SIRPA: variants seen among roughly 807,000 people sequenced by gnomAD.
SIRPA encodes the protein signal regulatory protein alpha.
A neutral mutation model predicts 50.3 loss-of-function variants in SIRPA; 9 were observed. That is an observed-to-expected ratio of 0.18 (90% CI 0.11 to 0.31). The LOEUF is 0.31. SIRPA is among the 10% of genes least tolerant of loss of function. The pLI is 1.00. For missense variants in SIRPA, 474 were observed against 661.6 expected (o/e 0.72, Z 3.11); for synonymous variants, 265 against 284.1 (o/e 0.93, Z 0.68).
chr20:1,903,363 G>A (rs1984354460), intron 1 of SIRPA, among the ~76,000 whole-genome samples: 1 of 152,198 alleles, frequency 6.6e-6, no homozygotes. Context: ...TGAAGAAACT[G>A]AGACTCAGAA....
intron 2 of SIRPA, among the ~76,000 whole-genome samples, chr20:1,920,883 A>G (rs914871812): frequency 1.3e-5 from 2 of 152,184 alleles, no homozygotes; most frequent in African/African-American, 2.4e-5. Context: ...GAAAGGAGAA[A>G]TGCTGCTGTT....
At chr20:1,913,131 A>G (rs904846233) in intron 1 of SIRPA, among the ~76,000 whole-genome samples, 1 of 152,246 alleles carries the variant, frequency 6.6e-6, no homozygotes, top group South Asian at 2.1e-4. Context: ...TAATAAAAGC[A>G]GTTGAGGTCT....
Position 1,924,829 on chromosome 20 carries a change from G to T in SIRPA, c.1153G>T (p.Ala385Ser). Residue 385 changes from alanine to serine, a missense_variant, in exon 5 of 8, where the codon GCC becomes TCC. Physicochemically the swap from Ala to Ser is moderately conservative, Grantham distance 99. Around this residue, in one of 4 missense-constraint regions of SIRPA, gnomAD observed 180 missense variants for 206.7 expected, o/e 0.87. Coordinates refer to ENST00000358771, the MANE Select transcript of SIRPA (RefSeq NM_001040023.2). This position sits in a 1 kb window ranked among gnomAD's most constrained non-coding sequence, Gnocchi z 4.5. ...GGGTGTGGTGTGCACCTTGCTGGTGGCCCTACTGATGGCGGCCCTCTACCT... is the reference window on the plus strand; with the variant it reads ...GGGTGTGGTGTGCACCTTGCTGGTGTCCCTACTGATGGCGGCCCTCTACCT... ...VVGVVCTLLV[A>S]LLMAALYLVR... The T allele has an allele frequency of 6.2e-7, 1 of 1,614,206 alleles. No individual in the cohort carries two copies. Among genetic ancestry groups the T allele is most frequent in the Non-Finnish European group, 8.5e-7 (1 of 1,180,044 alleles).
At chr20:1,899,544 C>G (rs1428186627) in intron 1 of SIRPA, among the ~76,000 whole-genome samples, 5 of 152,222 alleles carry the variant, frequency 3.3e-5, no homozygotes, top group Non-Finnish European at 7.3e-5. Context: ...ATGCCCTCAG[C>G]TGAACTCTCA....
Position 1,915,140 on chromosome 20 carries a change from A to G in SIRPA, c.121A>G (p.Lys41Glu). Residue 41 changes from lysine to glutamate, a missense_variant, in exon 2 of 8, where the codon AAG becomes GAG. Lys to Glu is a moderately conservative substitution (Grantham distance 56). Coordinates refer to ENST00000358771, the MANE Select transcript of SIRPA (RefSeq NM_001040023.2). ...GGAGCTGCAGGTGATTCAGCCTGACAAGTCCGTGTTGGTTGCAGCTGGAGA... is the reference window on the plus strand; with the variant it reads ...GGAGCTGCAGGTGATTCAGCCTGACGAGTCCGTGTTGGTTGCAGCTGGAGA... Reference protein sequence around the residue: ...EEELQVIQPDKSVLVAAGETA... With the variant: ...EEELQVIQPDESVLVAAGETA... The G allele has an allele frequency of 6.4e-7, 1 of 1,564,782 alleles. No individual in the cohort carries two copies. The highest frequency in any genetic ancestry group is 8.8e-7 in the Non-Finnish European group (1 of 1,142,780).
chr20:1,923,530 C>T (rs770759515), intron 4 of SIRPA, among the ~76,000 whole-genome samples: 2 of 152,118 alleles, frequency 1.3e-5, no homozygotes, highest in Non-Finnish European at 2.9e-5. Flanking sequence ...TGTAGGGCAT[C>T]GGCCAATGCT....
Position 1,917,710 on chromosome 20 carries a change from G to A in SIRPA, c.436+2255G>A, listed in dbSNP as rs545531271. Reference sequence around the variant, plus strand: ...GGCCTCCTGCAGCCCAGCAGACCACGTGCCCACCTACTCACGGTGCTGAGG... The same window carrying A: ...GGCCTCCTGCAGCCCAGCAGACCACATGCCCACCTACTCACGGTGCTGAGG... On this transcript the variant is annotated intron_variant, in intron 2 of 7. Transcript: ENST00000358771. Among the ~76,000 whole-genome samples the A allele has an allele frequency of 1.4e-4, 21 of 152,232 alleles. 1 individual carries two copies. Among genetic ancestry groups the A allele is most frequent in the Middle Eastern group, 3.4e-3 (1 of 294 alleles).
At position 1,937,053 on chromosome 20, in the gene SIRPA, G is replaced by A. The variant is rs550553320; in HGVS notation, c.1267-267G>A. ...CTAGGAGGAGGCAGGAACGGGAGGA[G>A]GTGACACTGAGGCGGGGCTGTGAGG... On this transcript the variant is annotated intron_variant, in intron 7 of 7. Coordinates refer to ENST00000358771, the MANE Select transcript of SIRPA (RefSeq NM_001040023.2). The surrounding 1 kb of genome is among the most constrained non-coding windows in gnomAD (Gnocchi z 8.3). 3.9e-4 allele frequency among the ~76,000 whole-genome samples: 59 copies of A among 152,282 alleles called. No individual in the cohort carries two copies. Among genetic ancestry groups the A allele is most frequent in the Non-Finnish European group, 7.8e-4 (53 of 68,028 alleles).
chr20:1,903,011 C>CAAAAAAAAAAAAA (rs58735842), intron 1 of SIRPA, among the ~76,000 whole-genome samples: 16 of 90,864 alleles, frequency 1.8e-4, no homozygotes, highest in East Asian at 7.3e-4. Flanking sequence ...GACTCTGTCT[C>CAAAAAAAAAAAAA]AAAAAAAAAA....
In SIRPA at chr20:1,924,591, G is replaced by C. The variant is rs574513659; in HGVS notation, c.1088-173G>C. Among the ~76,000 whole-genome samples, 3 of 152,182 alleles carry C rather than the reference G, an allele frequency of 2.0e-5. No homozygotes were observed. The highest frequency in any genetic ancestry group is 2.9e-5 in the Non-Finnish European group (2 of 68,038). The stretch of plus-strand genomic sequence containing the variant: ...TTTGTGCTGTTCATGGATGAGTCTC[G>C]TGGGCAAGTGTGTACAGACCCATGA... On this transcript the variant is annotated intron_variant, in intron 4 of 7. Transcript: ENST00000358771. This position sits in a 1 kb window ranked among gnomAD's most constrained non-coding sequence, Gnocchi z 4.5.
chr20:1,912,593 A>G (rs1984958664), intron 1 of SIRPA, among the ~76,000 whole-genome samples: 1 of 152,264 alleles, frequency 6.6e-6, no homozygotes, highest in Non-Finnish European at 1.5e-5. Flanking sequence ...AAAATCAAAT[A>G]TGTGAATAAT....
intron 1 of SIRPA, among the ~76,000 whole-genome samples, chr20:1,895,918 A>T (rs1983781022): frequency 6.6e-6 from 1 of 152,032 alleles, no homozygotes. Context: ...GACTTTCCAC[A>T]TGTTTGACTT....
intron 6 of SIRPA, among the ~76,000 whole-genome samples, chr20:1,931,673 CAG>C (rs1491589473): frequency 1.3e-5 from 2 of 152,112 alleles, no homozygotes; most frequent in Non-Finnish European, 2.9e-5. Flanking sequence ...CTGAGCACCT[CAG>C]GGAGGCTGCA....
chr20:1,928,637 G>C lies in SIRPA; in HGVS notation c.1226+738G>C, dbSNP rs576903773. ...CTGCAAGGAGATGGAGGTGAATGGT[G>C]GGGGGCTGTCTTAGGCAGAGGAAGG... On this transcript the variant is annotated intron_variant, in intron 6 of 7. Transcript: ENST00000358771. This position sits in a 1 kb window ranked among gnomAD's most constrained non-coding sequence, Gnocchi z 4.9. 3.3e-5 allele frequency among the ~76,000 whole-genome samples: 5 copies of C among 152,250 alleles called. No homozygotes were observed. Among genetic ancestry groups the C allele is most frequent in the African/African-American group, 1.2e-4 (5 of 41,548 alleles).
Position 1,921,376 on chromosome 20 carries a change from A to G in SIRPA, c.437-19A>G, listed in dbSNP as rs771945907. 1 of 1,611,676 alleles carries G rather than the reference A, an allele frequency of 6.2e-7. No homozygotes were observed. The highest frequency in any genetic ancestry group is 8.5e-7 in the Non-Finnish European group (1 of 1,177,882). ...GTCATCTGAGTCATGTCTCCTGATT[A>G]TCGATGGTCCTTTTGTAGCCAAACC... is the stretch of plus-strand genomic sequence containing the variant. On this transcript the variant is annotated intron_variant, in intron 2 of 7. Coordinates refer to ENST00000358771, the MANE Select transcript of SIRPA (RefSeq NM_001040023.2).
At position 1,904,557 on chromosome 20, in the gene SIRPA, C is replaced by T. The variant is rs756485552; in HGVS notation, c.79+9031C>T. 1.4e-4 allele frequency among the ~76,000 whole-genome samples: 22 copies of T among 152,278 alleles called. 2 individuals carry two copies. Among genetic ancestry groups the T allele is most frequent in the African/African-American group, 2.6e-4 (11 of 41,546 alleles). On this transcript the variant is annotated intron_variant, in intron 1 of 7. Transcript: ENST00000358771. ...CTGGTCCTCCGTGAAATGGGGGTGG[C>T]GACAGCCCTGTCTTACTGGGCTCCT... is the stretch of plus-strand genomic sequence containing the variant.
At chr20:1,909,288 C>T (rs555074457) in intron 1 of SIRPA, among the ~76,000 whole-genome samples, 42 of 152,322 alleles carry the variant, frequency 2.8e-4, no homozygotes, top group African/African-American at 8.2e-4. Context: ...CCACTGCTTC[C>T]GGGGGATGGG....
Position 1,925,000 on chromosome 20 carries a change from G to GCACCACTACCTC in SIRPA, c.1201+123_1201+124insCACCACTACCTC. On this transcript the variant is annotated intron_variant, in intron 5 of 7. Transcript: ENST00000358771. The surrounding 1 kb of genome is among the most constrained non-coding windows in gnomAD (Gnocchi z 4.5). ...GCCAGTAGCAAGAAGTCCAGAGGTA[G>GCACCACTACCTC]TGGTGCTAGGGCTGGGGCAGTGGCC... is the stretch of plus-strand genomic sequence containing the variant. 1.3e-6 allele frequency: 1 copy of GCACCACTACCTC among 755,956 alleles called. No individual in the cohort carries two copies. Among genetic ancestry groups the GCACCACTACCTC allele is most frequent in the Non-Finnish European group, 2.3e-6 (1 of 436,888 alleles). The allele number at this position is 755,956 out of a possible 1,614,324, so 46.8% of individuals were successfully genotyped here.
rs2076554 is a variant in SIRPA, at chr20:1,934,580, G to A, written c.1227-135G>A. On this transcript the variant is annotated intron_variant, in intron 6 of 7. Coordinates refer to ENST00000358771, the MANE Select transcript of SIRPA (RefSeq NM_001040023.2). This position sits in a 1 kb window ranked among gnomAD's most constrained non-coding sequence, Gnocchi z 4.6. ...TTGTCCAAACATTTGATATGCAGTT[G>A]TATTTCTGTTATGAGTCCTTCGTTC... The A allele has an allele frequency of 0.29, 212,370 of 726,786 alleles. 33,140 individuals carry two copies. Among genetic ancestry groups the A allele is most frequent in the South Asian group, 0.42 (22,675 of 54,042 alleles). The allele number at this position is 726,786 out of a possible 1,614,324, so 45.0% of individuals were successfully genotyped here. A position where few individuals can be genotyped will look rare whatever the true frequency, so the allele number is the denominator to read the frequency against.
Sources: allele counts gnomAD v4.1 joint callset (sites outside exome capture counted in the v4.1 genomes callset), GRCh38; gene constraint gnomAD v4.1.1; regional missense constraint gnomAD v4.1.1; non-coding constraint Gnocchi (gnomAD v3.1); transcripts MANE v1.5; gene names NCBI Gene and HGNC (gene_info 2026-07-23, HGNC 2026-07-21).